Variants in AK2 observed in about 807,000 individuals in gnomAD.
AK2 encodes the protein adenylate kinase 2, also known as adenylate kinase 2, mitochondrial.
In AK2, 15 loss-of-function variants were observed where a neutral mutation model predicts 24.6. The observed-to-expected ratio is 0.61, with a 90% CI of 0.41 to 0.94. The LOEUF (loss-of-function observed/expected upper bound fraction) is 0.94, where lower values mean the gene tolerates loss of function less well. AK2 is among the 40% of genes least tolerant of loss of function. AK2 has a pLI of 0.00. For synonymous variants in AK2, 102 were observed against 114.0 expected (o/e 0.90, Z 0.67); for missense variants, 257 against 304.1 (o/e 0.85, Z 1.15).
Position 33,011,453 on chromosome 1 carries a change from C to G in AK2, c.*1728G>C, listed in dbSNP as rs959728833. Reference sequence around the variant, plus strand: ...CAGAGGCAGCAGACACTCACTTGGACCAGGCAAAGAGGGAAGCAAGGTGGC... The same window carrying G: ...CAGAGGCAGCAGACACTCACTTGGAGCAGGCAAAGAGGGAAGCAAGGTGGC... On this transcript the variant is annotated 3_prime_UTR_variant, in exon 6 of 6. Coordinates refer to ENST00000672715, the MANE Select transcript of AK2 (RefSeq NM_001625.4). 7.8e-7 allele frequency: 1 copy of G among 1,287,320 alleles called. No individual in the cohort carries two copies. The highest frequency in any genetic ancestry group is 2.3e-5 in the Admixed American group (1 of 43,566). The allele number at this position is 1,287,320 out of a possible 1,614,324, so 79.7% of individuals were successfully genotyped here. A position where few individuals can be genotyped will look rare whatever the true frequency, so the allele number is the denominator to read the frequency against.
At chr1:33,020,248 C>G in intron 4 of AK2, 1 of 1,030,558 alleles carries the variant, frequency 9.7e-7, no homozygotes, top group Non-Finnish European at 1.4e-6. Context: ...GTACTATGAG[C>G]AAATTCTTCC....
intron 1 of AK2, chr1:33,031,543 C>T (rs1038923628): frequency 4.4e-6 from 2 of 455,350 alleles, no homozygotes; most frequent in African/African-American, 2.0e-5. Flanking sequence ...AAAAATCTAA[C>T]CTGGGGCAGT....
In AK2 at chr1:33,014,560, C is replaced by T. The variant is rs148421308; in HGVS notation, c.460G>A (p.Glu154Lys). 5.1e-4 allele frequency: 830 copies of T among 1,612,324 alleles called. 3 individuals carry two copies. The African/African-American group carries it at 6.1e-3, about 12-fold the overall frequency. The change falls in exon 5 of 6, where the codon GAG becomes AAG. Residue 154 changes from glutamate (E) to lysine (K), a missense_variant. Physicochemically the swap from Glu to Lys is moderately conservative, Grantham distance 56. Coordinates refer to ENST00000672715, the MANE Select transcript of AK2 (RefSeq NM_001625.4). ...GGCTCTTTTGGAGGGTTGAACTCCT[C>T]GTGGTAGGAACGGCCACTCTTGGGG... ...IHPKSGRSYH[E>K]EFNPPKEPMK...
Position 33,011,179 on chromosome 1 carries a change from G to C in AK2, c.*2002C>G. 1 of 1,318,184 alleles carries C rather than the reference G, an allele frequency of 7.6e-7. No homozygotes were observed. Among genetic ancestry groups the C allele is most frequent in the Non-Finnish European group, 9.8e-7 (1 of 1,022,824 alleles). 81.7% of individuals were successfully genotyped at this position (1,318,184 alleles called of 1,614,324 possible). A position where few individuals can be genotyped will look rare whatever the true frequency, so the allele number is the denominator to read the frequency against. On this transcript the variant is annotated 3_prime_UTR_variant, in exon 6 of 6. Coordinates refer to ENST00000672715, the MANE Select transcript of AK2 (RefSeq NM_001625.4). Reference sequence around the variant, plus strand: ...GCACATAAAATTAGCAAACATTCAAGAACCTCAACTTTGAGGCCAAGTGCT... The same window carrying C: ...GCACATAAAATTAGCAAACATTCAACAACCTCAACTTTGAGGCCAAGTGCT...
chr1:33,024,440 A>T lies in AK2; in HGVS notation c.219+2T>A. The T allele has an allele frequency of 1.2e-6, 2 of 1,613,880 alleles. No individual in the cohort carries two copies. Among genetic ancestry groups the T allele is most frequent in the Non-Finnish European group, 1.7e-6 (2 of 1,180,004 alleles). On this transcript the variant is annotated splice_donor_variant, in intron 2 of 5. Transcript: ENST00000672715. LOFTEE classifies it high-confidence loss of function. ...AACACTCATTGGTACCACCAAACCTACCAGTTTCCCAGCATCCATAGTTGC... is the reference window on the plus strand; with the variant it reads ...AACACTCATTGGTACCACCAAACCTTCCAGTTTCCCAGCATCCATAGTTGC...
intron 1 of AK2, among the ~76,000 whole-genome samples, chr1:33,033,019 C>T (rs914025871): frequency 7.2e-5 from 11 of 151,908 alleles, no homozygotes; most frequent in African/African-American, 2.2e-4. Context: ...AAAAATTAGC[C>T]GGGTGTGGTG....
rs1161115339 is a variant in AK2 at position 33,009,270 on chromosome 1, A to T, written c.*3911T>A. On this transcript the variant is annotated 3_prime_UTR_variant, in exon 6 of 6. Coordinates refer to ENST00000672715, the MANE Select transcript of AK2 (RefSeq NM_001625.4). Reference sequence around the variant, plus strand: ...TTGCAAAGGCAGCCCTTCCAAAAACATGAGAGCTTTAGTTTGGAGAAATTA... The same window carrying T: ...TTGCAAAGGCAGCCCTTCCAAAAACTTGAGAGCTTTAGTTTGGAGAAATTA... 2.2e-6 allele frequency: 1 copy of T among 454,136 alleles called. No individual in the cohort carries two copies. Among genetic ancestry groups the T allele is most frequent in the Non-Finnish European group, 4.4e-6 (1 of 226,782 alleles). 28.1% of individuals were successfully genotyped at this position (454,136 alleles called of 1,614,324 possible). A position where few individuals can be genotyped will look rare whatever the true frequency, so the allele number is the denominator to read the frequency against.
rs1308503648 is a variant in AK2 at position 33,033,211 on chromosome 1, A to T, written c.93+3525T>A. Among the ~76,000 whole-genome samples the T allele has an allele frequency of 2.0e-5, 3 of 152,022 alleles. No homozygotes were observed. In the East Asian group the frequency reaches 5.8e-4, roughly 29 times the overall value. ...AATCCAATTTCTTCGGCAAAACCCC[A>T]GGAAAAAAAGAGAAGGGGAACTTAT... On this transcript the variant is annotated intron_variant, in intron 1 of 5. Coordinates refer to ENST00000672715, the MANE Select transcript of AK2 (RefSeq NM_001625.4).
chr1:33,014,167 C>T (rs1434486526), intron 5 of AK2, among the ~76,000 whole-genome samples: 4 of 152,202 alleles, frequency 2.6e-5, no homozygotes, highest in Non-Finnish European at 5.9e-5. Context: ...CAGTGCCACA[C>T]TCTTCCCACT....
At position 33,012,386 on chromosome 1, in the gene AK2, G is replaced by A. The variant is rs1245202934; in HGVS notation, c.*795C>T. 2.8e-5 allele frequency: 43 copies of A among 1,516,586 alleles called. No homozygotes were observed. Among genetic ancestry groups the A allele is most frequent in the Non-Finnish European group, 3.6e-5 (41 of 1,136,536 alleles). 93.9% of individuals were successfully genotyped at this position (1,516,586 alleles called of 1,614,324 possible). ...GATCCCTGTTCACACACTGACTCAC[G>A]TGGGTTTTCATCATGGGTTAGAAAA... On this transcript the variant is annotated 3_prime_UTR_variant, in exon 6 of 6. Transcript: ENST00000672715.
Position 33,012,128 on chromosome 1 carries a change from T to C in AK2, c.*1053A>G. The C allele has an allele frequency of 1.0e-5, 16 of 1,535,492 alleles. No individual in the cohort carries two copies. The highest frequency in any genetic ancestry group is 1.4e-5 in the African/African-American group (1 of 73,176). ...ACTGCTCTCAGATGATCAGCCTGGA[T>C]GTTCAGAAGACAATCTGAATTCAAA... On this transcript the variant is annotated 3_prime_UTR_variant, in exon 6 of 6. Transcript: ENST00000672715.
intron 1 of AK2, among the ~76,000 whole-genome samples, chr1:33,027,451 C>T (rs1001932894): frequency 2.3e-4 from 35 of 152,030 alleles, no homozygotes; most frequent in African/African-American, 8.2e-4. Flanking sequence ...GGGAAGAAAA[C>T]TAATTCCTGG....
intron 4 of AK2, among the ~76,000 whole-genome samples, chr1:33,021,094 C>T (rs1445846880): frequency 6.6e-6 from 1 of 151,676 alleles, no homozygotes; most frequent in African/African-American, 2.4e-5. Flanking sequence ...TGCAGTGAGC[C>T]GAGACTGCGC....
rs756410876 is a variant in AK2, at chr1:33,008,507, T to C, written c.*4674A>G. ...CAGTTCCGGCAGCGCTGAGTGTCCA[T>C]GGAAAAGAGCTCTTATTCAGAGCAG... On this transcript the variant is annotated 3_prime_UTR_variant, in exon 6 of 6. Transcript: ENST00000672715. The C allele has an allele frequency of 1.8e-5, 8 of 453,968 alleles. No individual in the cohort carries two copies. Among genetic ancestry groups the C allele is most frequent in the African/African-American group, 8.0e-5 (4 of 49,984 alleles). The allele number at this position is 453,968 out of a possible 1,614,324, so 28.1% of individuals were successfully genotyped here.
At position 33,011,904 on chromosome 1, in the gene AK2, G is replaced by GGA; in HGVS notation, c.*1275_*1276dup. 1 of 1,531,598 alleles carries GGA rather than the reference G, an allele frequency of 6.5e-7. No homozygotes were observed. The highest frequency in any genetic ancestry group is 8.7e-7 in the Non-Finnish European group (1 of 1,145,584). 94.9% of individuals were successfully genotyped at this position (1,531,598 alleles called of 1,614,324 possible). A position where few individuals can be genotyped will look rare whatever the true frequency, so the allele number is the denominator to read the frequency against. On this transcript the variant is annotated 3_prime_UTR_variant, in exon 6 of 6. Coordinates refer to ENST00000672715, the MANE Select transcript of AK2 (RefSeq NM_001625.4). ...AGGGGTGAAGGGTTGGATCTAGAAA[G>GGA]GAGAGGGTTTGGGCTTAAAAAGAAC...
intron 4 of AK2, chr1:33,020,287 T>C (rs1462896434): frequency 1.3e-6 from 1 of 748,862 alleles, no homozygotes; most frequent in Non-Finnish European, 2.1e-6. Context: ...TACAGATGGT[T>C]ATATTATTTT....
chr1:33,011,095 A>G lies in AK2; in HGVS notation c.*2086T>C, dbSNP rs915461332. 6 of 1,436,470 alleles carry G rather than the reference A, an allele frequency of 4.2e-6. No homozygotes were observed. Among genetic ancestry groups the G allele is most frequent in the Non-Finnish European group, 4.5e-6 (5 of 1,100,300 alleles). The allele number at this position is 1,436,470 out of a possible 1,614,324, so 89.0% of individuals were successfully genotyped here. ...TGGGCAGCCCAAATATTACTTGTAC[A>G]TGTTGTATGCACACGTGAATCTATG... On this transcript the variant is annotated 3_prime_UTR_variant, in exon 6 of 6. Transcript: ENST00000672715.
intron 1 of AK2, chr1:33,032,289 C>T (rs993296865): frequency 6.6e-6 from 1 of 152,340 alleles, no homozygotes; most frequent in Non-Finnish European, 1.5e-5. Flanking sequence ...AGCAGCAATG[C>T]CACACAACTG....
In AK2 at chr1:33,010,890, A is replaced by G. The variant is rs1374642005; in HGVS notation, c.*2291T>C. ...ATGGGTTTTTAAAAACCAAGTACAT[A>G]TCAGAGGAGGCTGGCATGTAAGCCC... On this transcript the variant is annotated 3_prime_UTR_variant, in exon 6 of 6. Transcript: ENST00000672715. 9.9e-6 allele frequency: 16 copies of G among 1,612,376 alleles called. No homozygotes were observed. The highest frequency in any genetic ancestry group is 1.4e-5 in the Non-Finnish European group (16 of 1,179,370).
Sources: gnomAD v4.1 joint callset for allele counts (sites outside exome capture counted in the v4.1 genomes callset) on GRCh38, gnomAD v4.1.1 for gene constraint, MANE v1.5 for transcripts, NCBI Gene and HGNC (gene_info 2026-07-23, HGNC 2026-07-21) for gene names.